The following SLC17A6 variants were observed in gnomAD, a reference collection of about 807,000 sequenced individuals.
SLC17A6 encodes vesicular glutamate transporter 2.
In SLC17A6, 35 loss-of-function variants were observed where a neutral mutation model predicts 67.1. That is an observed-to-expected ratio of 0.52 (90% CI 0.40 to 0.69). The LOEUF is 0.69. Among genes scored for constraint, SLC17A6 ranks in the 30% least tolerant of loss-of-function variants. The pLI is 0.00. For synonymous variants in SLC17A6, 285 were observed against 252.3 expected (o/e 1.13, Z -1.23); for missense variants, 588 against 723.9 (o/e 0.81, Z 2.15).
At chr11:22,377,284 A>G (rs1374718) in intron 11 of SLC17A6, 121 bp from the exon 12 acceptor site, 156,517 of 766,788 alleles carry the variant, frequency 0.2, 16,843 homozygotes, top group Middle Eastern at 0.27. Context: ...CATAATCAGG[A>G]TATGGATTTT....
At chr11:22,377,307 T>A (rs947679171) in intron 11 of SLC17A6, 98 bp from the exon 12 acceptor site, 1 of 1,076,392 alleles carries the variant, frequency 9.3e-7, no homozygotes, top group African/African-American at 1.6e-5. Flanking sequence ...CCAAATATAG[T>A]GTTTTATGAA....
intron 7 of SLC17A6, among the ~76,000 whole-genome samples, chr11:22,365,957 A>G (rs771118848): frequency 7.9e-5 from 12 of 152,180 alleles, no homozygotes; most frequent in Non-Finnish European, 1.3e-4. Context: ...ATATTTTTAA[A>G]CAGTTCAATA....
intron 3 of SLC17A6, among the ~76,000 whole-genome samples, chr11:22,352,667 T>C (rs1174266005): frequency 1.3e-5 from 2 of 152,322 alleles, no homozygotes; most frequent in Non-Finnish European, 2.9e-5. Flanking sequence ...TTGGGGAATG[T>C]ACAACCTCAT....
intron 7 of SLC17A6, 39 bp downstream of exon 7, chr11:22,365,728 C>T: frequency 6.4e-7 from 1 of 1,566,964 alleles, no homozygotes; most frequent in South Asian, 1.2e-5. Context: ...TATCTTATTC[C>T]CATCTCGCCC....
At chr11:22,346,148 T>G (rs1263514032) in intron 3 of SLC17A6, among the ~76,000 whole-genome samples, 1 of 152,150 alleles carries the variant, frequency 6.6e-6, no homozygotes. Flanking sequence ...ACAGATTCCT[T>G]TCCCTCTAGG....
chr11:22,357,026 T>C (rs1476545328), intron 3 of SLC17A6, among the ~76,000 whole-genome samples: 2 of 152,260 alleles, frequency 1.3e-5, no homozygotes, highest in Non-Finnish European at 2.9e-5. Context: ...AATGCTGAAG[T>C]ATATTACTAA....
intron 6 of SLC17A6, among the ~76,000 whole-genome samples, chr11:22,365,138 C>T (rs1362657033): frequency 6.6e-6 from 1 of 152,130 alleles, no homozygotes; most frequent in Non-Finnish European, 1.5e-5. Context: ...ATATTCTAGG[C>T]AGGCAATAAA....
At chr11:22,339,374 TA>T (rs1263054748) in intron 1 of SLC17A6, among the ~76,000 whole-genome samples, 1 of 151,648 alleles carries the variant, frequency 6.6e-6, no homozygotes. Flanking sequence ...CATTTTTAAT[TA>T]TTTTCATCTC....
rs1285032599 is a variant in SLC17A6, at chr11:22,377,613, C to G, written c.1622C>G (p.Thr541Ser). 4 of 1,613,912 alleles carry G rather than the reference C, an allele frequency of 2.5e-6. No homozygotes were observed. Among genetic ancestry groups the G allele is most frequent in the Non-Finnish European group, 3.4e-6 (4 of 1,179,990 alleles). The change falls in exon 12 of 12, where the codon ACC (threonine) becomes AGC (serine). Residue 541 changes from threonine to serine, a missense_variant. Transcript: ENST00000263160. ...ITQNYINYGT[T>S]KSYGATTQAN... ...CAAAATTATATAAATTATGGTACCA[C>G]CAAGTCTTATGGTGCCACAACACAG...
At chr11:22,360,758 G>A (rs1411194874) in intron 4 of SLC17A6, 139 bp from the exon 5 acceptor site, 1 of 636,234 alleles carries the variant, frequency 1.6e-6, no homozygotes, top group Non-Finnish European at 2.6e-6. Flanking sequence ...TTAATATACA[G>A]TCTTTTCTTT....
intron 6 of SLC17A6, 122 bp downstream of exon 6, chr11:22,362,947 T>C (rs1034114845): frequency 8.6e-6 from 6 of 698,200 alleles, no homozygotes; most frequent in Non-Finnish European, 1.5e-5. Flanking sequence ...TTTTCTTCTC[T>C]TAAGAATCCT....
chr11:22,357,314 C>T (rs137944074), intron 3 of SLC17A6, among the ~76,000 whole-genome samples: 11 of 152,234 alleles, frequency 7.2e-5, no homozygotes, highest in Admixed American at 3.3e-4. Context: ...TCTAGCAAGT[C>T]GAATAAGCAC....
intron 7 of SLC17A6, among the ~76,000 whole-genome samples, chr11:22,367,069 G>A (rs1412271355): frequency 6.6e-6 from 1 of 150,640 alleles, no homozygotes; most frequent in East Asian, 1.9e-4. Context: ...GACATATTGA[G>A]GCATTAGGCG....
chr11:22,378,663 T>C lies in SLC17A6; in HGVS notation c.*923T>C, dbSNP rs1590398094. 1 of 152,582 alleles carries C rather than the reference T, an allele frequency of 6.6e-6. No individual in the cohort carries two copies. The highest frequency in any genetic ancestry group is 1.9e-4 in the East Asian group (1 of 5,184). The allele number at this position is 152,582 out of a possible 1,614,324, so 9.5% of individuals were successfully genotyped here. On this transcript the variant is annotated 3_prime_UTR_variant, in exon 12 of 12. Transcript: ENST00000263160. ...AAGAACAAAGAAATAGAAAATGGTT[T>C]AGATATCTTTCTTCCTTCATAATTA...
At chr11:22,373,648 A>G (rs1462486660) in intron 8 of SLC17A6, among the ~76,000 whole-genome samples, 1 of 152,186 alleles carries the variant, frequency 6.6e-6, no homozygotes, top group Non-Finnish European at 1.5e-5. Context: ...CGACTCACGT[A>G]GAACTGATTC....
intron 3 of SLC17A6, among the ~76,000 whole-genome samples, chr11:22,349,345 G>A (rs1377262691): frequency 4.6e-5 from 7 of 152,116 alleles, no homozygotes; most frequent in South Asian, 2.1e-4. Context: ...ACATCTAGCT[G>A]CCTTCCTATT....
chr11:22,338,654 C>T (rs1855764136), intron 1 of SLC17A6, 35 bp downstream of exon 1: 24 of 1,513,880 alleles, frequency 1.6e-5, no homozygotes, highest in Non-Finnish European at 2.2e-5. Flanking sequence ...ACCTGGGGCT[C>T]AGCATGAAAA....
intron 8 of SLC17A6, 115 bp from the exon 9 acceptor site, chr11:22,374,640 A>AT: frequency 1.2e-6 from 1 of 836,874 alleles, no homozygotes; most frequent in Non-Finnish European, 1.8e-6. Flanking sequence ...TGGAAAGATT[A>AT]TTTTTCCTTC....
intron 8 of SLC17A6, among the ~76,000 whole-genome samples, chr11:22,371,583 G>C (rs1302811335): frequency 2.6e-5 from 4 of 151,668 alleles, no homozygotes; most frequent in African/African-American, 9.7e-5. Context: ...GATACCGACA[G>C]GCTATTAATA....
Sources: allele counts gnomAD v4.1 joint callset (sites outside exome capture counted in the v4.1 genomes callset), GRCh38; gene constraint gnomAD v4.1.1; transcripts MANE v1.5; gene names NCBI Gene and HGNC (gene_info 2026-07-23, HGNC 2026-07-21).